MROH1: variants seen among roughly 807,000 people sequenced by gnomAD.
MROH1 encodes maestro heat like repeat family member 1, also known as maestro heat-like repeat-containing protein family member 1.
A neutral mutation model predicts 116.5 loss-of-function variants in MROH1; 117 were observed. The observed-to-expected ratio is 1.00, with a 90% CI of 0.86 to 1.17. The LOEUF (loss-of-function observed/expected upper bound fraction) is 1.17, where lower values mean the gene tolerates loss of function less well. MROH1 is among the 50% of genes most tolerant of loss of function. The probability of loss-of-function intolerance (pLI) is 0.00; values close to 1 mark genes in which losing one functional copy is unlikely to be tolerated. For synonymous variants in MROH1, 921 were observed against 583.9 expected (o/e 1.58, Z -8.32); for missense variants, 1,873 against 1,338.5 (o/e 1.40, Z -6.23).
At chr8:144,166,791 G>A (rs1362945700) in intron 3 of MROH1, among the ~76,000 whole-genome samples, 1 of 152,156 alleles carries the variant, frequency 6.6e-6, no homozygotes, top group East Asian at 1.9e-4. Context: ...GCCCTCAGAG[G>A]GCAGGCTCCC....
intron 12 of MROH1, chr8:144,213,235 A>T (rs188979070): frequency 1.6e-6 from 1 of 625,376 alleles, no homozygotes; most frequent in Non-Finnish European, 2.9e-6. Flanking sequence ...GCTCTCTGCC[A>T]CTCTTGTTGT....
intron 20 of MROH1, 27 bp from the exon 21 acceptor site, chr8:144,240,965 G>T: frequency 1.4e-6 from 1 of 728,912 alleles, no homozygotes; most frequent in East Asian, 2.6e-5. Context: ...GAGTCAGGCA[G>T]AGCCGTGTTC....
rs2133252117 is a variant in MROH1, at chr8:144,254,796, C to T, written c.3429-17C>T. The T allele has an allele frequency of 1.3e-6, 1 of 773,576 alleles. No homozygotes were observed. The highest frequency in any genetic ancestry group is 2.4e-5 in the East Asian group (1 of 41,184). 47.9% of individuals were successfully genotyped at this position (773,576 alleles called of 1,614,324 possible). Reference sequence around the variant, plus strand: ...GACCAGCCACGGCCTCAAAGTGACTCTCCTGCTCTGCTCCAGCCACACCTG... The same window carrying T: ...GACCAGCCACGGCCTCAAAGTGACTTTCCTGCTCTGCTCCAGCCACACCTG... On this transcript the variant is annotated splice_polypyrimidine_tract_variant and intron_variant, in intron 33 of 43. Coordinates refer to ENST00000326134, the MANE Select transcript of MROH1 (RefSeq NM_032450.3).
chr8:144,218,703 T>TCCCCTCCCCTCC (rs1564502501), intron 12 of MROH1, among the ~76,000 whole-genome samples: 1 of 41,514 alleles, frequency 2.4e-5, no homozygotes, highest in Non-Finnish European at 4.7e-5. Flanking sequence ...TCCTCCCCTC[T>TCCCCTCCCCTCC]CCCCTCCTGT....
At chr8:144,198,053 A>G (rs1830331840) in intron 10 of MROH1, among the ~76,000 whole-genome samples, 1 of 150,974 alleles carries the variant, frequency 6.6e-6, no homozygotes, top group Non-Finnish European at 1.5e-5. Flanking sequence ...GTTTCAAAAA[A>G]AAAAAAAAAA....
chr8:144,254,732 A>G, intron 33 of MROH1, 81 bp from the exon 34 acceptor site: 1 of 689,888 alleles, frequency 1.4e-6, no homozygotes, highest in South Asian at 1.6e-5. Context: ...TCGTGGAGCC[A>G]GGGTCCACGG....
At chr8:144,215,893 T>C (rs1418598005) in intron 12 of MROH1, among the ~76,000 whole-genome samples, 6 of 104,556 alleles carry the variant, frequency 5.7e-5, no homozygotes, top group Non-Finnish European at 3.9e-5. Context: ...AAAAGAAAAA[T>C]AATGAAACAC....
chr8:144,159,890 C>T (rs111270216), intron 1 of MROH1, among the ~76,000 whole-genome samples: 2,873 of 151,648 alleles, frequency 0.019, 89 homozygotes, highest in African/African-American at 0.066. Flanking sequence ...GCCTCAGCCT[C>T]CTGAGTAGCT....
intron 25 of MROH1, 25 bp downstream of exon 25, chr8:144,243,641 G>T (rs1841392930): frequency 1.3e-6 from 1 of 777,302 alleles, no homozygotes; most frequent in African/African-American, 1.7e-5. Context: ...GGCCTGGCAG[G>T]TCCTCAGGCA....
chr8:144,205,350 G>A (rs112921233), intron 12 of MROH1, among the ~76,000 whole-genome samples: 3,060 of 152,174 alleles, frequency 0.02, 89 homozygotes, highest in African/African-American at 0.068. Flanking sequence ...AAAAGTCTGA[G>A]GTATCTTAAT....
chr8:144,238,845 C>A lies in MROH1; in HGVS notation c.1428C>A (p.Thr476=). Residue 476 remains threonine, a synonymous_variant, in exon 15 of 44, where the codon ACC becomes ACA. Coordinates refer to ENST00000326134, the MANE Select transcript of MROH1 (RefSeq NM_032450.3). ...SVRTLYLVST[T]VDRMSHVLWP... is the part of the protein sequence containing the mutation. ...GCACCCTCTACCTGGTCAGCACCAC[C>A]GTGGACAGGATGAGTCACGTGAGTG... The A allele has an allele frequency of 1.3e-6, 1 of 774,566 alleles. No homozygotes were observed. The allele number at this position is 774,566 out of a possible 1,614,324, so 48.0% of individuals were successfully genotyped here. A position where few individuals can be genotyped will look rare whatever the true frequency, so the allele number is the denominator to read the frequency against.
At position 144,260,988 on chromosome 8, in the gene MROH1, G is replaced by A. The variant is rs1844931219; in HGVS notation, c.4618G>A (p.Glu1540Lys). 6 of 777,486 alleles carry A rather than the reference G, an allele frequency of 7.7e-6. No individual in the cohort carries two copies. Among genetic ancestry groups the A allele is most frequent in the Admixed American group, 6.8e-5 (4 of 59,000 alleles). The allele number at this position is 777,486 out of a possible 1,614,324, so 48.2% of individuals were successfully genotyped here. A position where few individuals can be genotyped will look rare whatever the true frequency, so the allele number is the denominator to read the frequency against. ...AGCTGCTTTCCAGAAACACCTGCAG[G>A]AGGGCCGAGCCCTGCACTTCGGGGA... ...LSAAFQKHLQ[E>K]GRALHFGEFL... is the part of the protein sequence containing the mutation. Residue 1540 changes from glutamate to lysine, a missense_variant, in exon 41 of 44, where the codon GAG becomes AAG. Glu to Lys is a moderately conservative substitution (Grantham distance 56). Transcript: ENST00000326134.
Position 144,163,724 on chromosome 8 carries a change from T to C in MROH1, c.-56-47T>C. On this transcript the variant is annotated intron_variant, in intron 2 of 43. Coordinates refer to ENST00000326134, the MANE Select transcript of MROH1 (RefSeq NM_032450.3). The surrounding 1 kb of genome is among the most constrained non-coding windows in gnomAD (Gnocchi z 4.4). ...AATGGTAATTGCCTGTGAACTCAGA[T>C]ATCGTAGAGGCTTATGAATTAAATC... is the stretch of plus-strand genomic sequence containing the variant. The C allele has an allele frequency of 1.7e-6, 2 of 1,167,920 alleles. No individual in the cohort carries two copies. The highest frequency in any genetic ancestry group is 2.4e-5 in the East Asian group (1 of 41,214). 72.3% of individuals were successfully genotyped at this position (1,167,920 alleles called of 1,614,324 possible).
At chr8:144,189,424 G>C (rs147297593) in intron 7 of MROH1, among the ~76,000 whole-genome samples, 3,937 of 152,282 alleles carry the variant, frequency 0.026, 74 homozygotes, top group Middle Eastern at 0.044. Flanking sequence ...CCGGGGCCCA[G>C]CCCCACTGAC....
At chr8:144,153,666 C>T (rs1447650973) in intron 1 of MROH1, among the ~76,000 whole-genome samples, 3 of 152,186 alleles carry the variant, frequency 2.0e-5, no homozygotes, top group African/African-American at 7.2e-5. Flanking sequence ...TGCTGCAGTA[C>T]CCATGGCAGT....
intron 1 of MROH1, among the ~76,000 whole-genome samples, chr8:144,152,072 G>A (rs1237758698): frequency 1.3e-5 from 2 of 152,184 alleles, no homozygotes; most frequent in Admixed American, 1.3e-4. Flanking sequence ...GTCCTTCCCT[G>A]TCCACAGGGA....
chr8:144,176,881 C>T (rs973406314), intron 4 of MROH1, among the ~76,000 whole-genome samples: 2 of 151,802 alleles, frequency 1.3e-5, no homozygotes, highest in East Asian at 3.9e-4. Flanking sequence ...ATACAGTCTG[C>T]CTGCAGAAGC....
At chr8:144,203,983 A>G (rs1428167218) in intron 12 of MROH1, among the ~76,000 whole-genome samples, 1 of 152,174 alleles carries the variant, frequency 6.6e-6, no homozygotes, top group East Asian at 1.9e-4. Flanking sequence ...TTCTCTGTGC[A>G]TTTACGTATG....
chr8:144,200,560 G>A lies in MROH1; in HGVS notation c.1141+19G>A, dbSNP rs1305311307. The A allele has an allele frequency of 3.9e-6, 6 of 1,523,082 alleles. No homozygotes were observed. The East Asian group carries it at 1.5e-4, about 37-fold the overall frequency. 94.3% of individuals were successfully genotyped at this position (1,523,082 alleles called of 1,614,324 possible). On this transcript the variant is annotated intron_variant, in intron 12 of 43. Coordinates refer to ENST00000326134, the MANE Select transcript of MROH1 (RefSeq NM_032450.3). ...TCAGCTGGTGAGTGCCTCCATGCTA[G>A]CCTGGCCGCCACCCCTGGCCATGTC...
Sources: gnomAD v4.1 joint callset for allele counts (sites outside exome capture counted in the v4.1 genomes callset) on GRCh38, gnomAD v4.1.1 for gene constraint, Gnocchi (gnomAD v3.1) non-coding constraint, MANE v1.5 for transcripts, NCBI Gene and HGNC (gene_info 2026-07-23, HGNC 2026-07-21) for gene names.